Variants in UBTD1 observed in about 807,000 individuals in gnomAD.
The protein encoded by UBTD1 is ubiquitin domain-containing protein 1.
Under a neutral mutation model 21.7 loss-of-function variants are expected in UBTD1, and 19 were observed. The observed-to-expected ratio is 0.87, with a 90% CI of 0.61 to 1.28. UBTD1 has a LOEUF of 1.28. Among genes scored for constraint, UBTD1 ranks in the 50% most tolerant of loss-of-function variants. The pLI is 0.00. For synonymous variants in UBTD1, 116 were observed against 135.1 expected (o/e 0.86, Z 0.98); for missense variants, 282 against 315.1 (o/e 0.89, Z 0.80).
At chr10:97,534,574 C>CGT (rs2040550596) in intron 1 of UBTD1, among the ~76,000 whole-genome samples, 1 of 53,036 alleles carries the variant, frequency 1.9e-5, no homozygotes, top group African/African-American at 3.7e-5. Flanking sequence ...CACACACGCG[C>CGT]GCGCGCACAC....
intron 1 of UBTD1, among the ~76,000 whole-genome samples, chr10:97,526,967 T>C (rs1249444250): frequency 6.7e-6 from 1 of 148,154 alleles, no homozygotes. Context: ...AGCTCAAGAG[T>C]TCAAGACCAG....
At chr10:97,533,588 C>T (rs1157239671) in intron 1 of UBTD1, among the ~76,000 whole-genome samples, 1 of 152,094 alleles carries the variant, frequency 6.6e-6, no homozygotes. Context: ...CCCCTTTGCC[C>T]CCCACCTCCA....
At chr10:97,500,978 T>C (rs1013414691) in intron 1 of UBTD1, among the ~76,000 whole-genome samples, 1 of 152,236 alleles carries the variant, frequency 6.6e-6, no homozygotes. Context: ...TTTACTCTTA[T>C]GTTCTTCCAG....
intron 1 of UBTD1, among the ~76,000 whole-genome samples, chr10:97,553,843 C>G (rs901510169): frequency 6.6e-6 from 1 of 152,188 alleles, no homozygotes; most frequent in Non-Finnish European, 1.5e-5. Flanking sequence ...AGTTTGTCAC[C>G]GCTGTATCCT....
Position 97,570,082 on chromosome 10 carries a change from T to A in UBTD1, c.299-56T>A. ...TATGAATTTGGGGGGACCCAAACAT[T>A]TAATCCATGATAGTGGATCCCCAAG... On this transcript the variant is annotated intron_variant, in intron 2 of 2. Transcript: ENST00000370664. The surrounding 1 kb of genome is among the most constrained non-coding windows in gnomAD (Gnocchi z 6.6). 1 of 1,540,264 alleles carries A rather than the reference T, an allele frequency of 6.5e-7. No homozygotes were observed. Among genetic ancestry groups the A allele is most frequent in the East Asian group, 2.3e-5 (1 of 44,064 alleles).
At chr10:97,515,850 C>T (rs1439627867) in intron 1 of UBTD1, among the ~76,000 whole-genome samples, 4 of 152,176 alleles carry the variant, frequency 2.6e-5, no homozygotes, top group African/African-American at 7.2e-5. Flanking sequence ...TGGGGTCACA[C>T]GTGATGAAAC....
intron 1 of UBTD1, among the ~76,000 whole-genome samples, chr10:97,543,442 C>T (rs375635150): frequency 6.6e-6 from 1 of 152,164 alleles, no homozygotes; most frequent in South Asian, 2.1e-4. Context: ...CATGAAGGAG[C>T]GGGTGAGCCT....
intron 1 of UBTD1, among the ~76,000 whole-genome samples, chr10:97,530,818 T>C (rs2135669943): frequency 6.6e-6 from 1 of 152,214 alleles, no homozygotes; most frequent in South Asian, 2.1e-4. Context: ...TGATAGGATA[T>C]AGGTTACTTA....
At chr10:97,514,626 G>A (rs539964335) in intron 1 of UBTD1, among the ~76,000 whole-genome samples, 5 of 152,292 alleles carry the variant, frequency 3.3e-5, no homozygotes, top group African/African-American at 1.2e-4. Context: ...CAGTGGGAGT[G>A]TGGTCAGGAG....
chr10:97,549,774 C>T (rs1223272178), intron 1 of UBTD1, among the ~76,000 whole-genome samples: 2 of 152,274 alleles, frequency 1.3e-5, no homozygotes, highest in African/African-American at 4.8e-5. Context: ...CACCAAATCC[C>T]AGAGCATGGG....
At chr10:97,562,269 G>A (rs2040696276) in intron 1 of UBTD1, among the ~76,000 whole-genome samples, 1 of 152,182 alleles carries the variant, frequency 6.6e-6, no homozygotes, top group Non-Finnish European at 1.5e-5. Flanking sequence ...GAGGTGTGGT[G>A]TTACACATCT....
chr10:97,553,843 C>T lies in UBTD1; in HGVS notation c.71-14071C>T, dbSNP rs901510169. Among the ~76,000 whole-genome samples, 5 of 152,306 alleles carry T rather than the reference C, an allele frequency of 3.3e-5. No individual in the cohort carries two copies. In the South Asian group the frequency reaches 6.2e-4, roughly 19 times the overall value. ...ACCTGGAGGGTGAGGAGTTTGTCACCGCTGTATCCTGGGTCACTGCATTAA... is the reference window on the plus strand; with the variant it reads ...ACCTGGAGGGTGAGGAGTTTGTCACTGCTGTATCCTGGGTCACTGCATTAA... On this transcript the variant is annotated intron_variant, in intron 1 of 2. Transcript: ENST00000370664.
Position 97,570,528 on chromosome 10 carries a change from C to G in UBTD1, c.*5C>G. 6.3e-7 allele frequency: 1 copy of G among 1,586,056 alleles called. No individual in the cohort carries two copies. The highest frequency in any genetic ancestry group is 8.6e-7 in the Non-Finnish European group (1 of 1,160,418). The stretch of plus-strand genomic sequence containing the variant: ...CCCCCACCACCCCAGGACTGATGGG[C>G]CCACGGACCCCTGGGAAGAGGCCCC... On this transcript the variant is annotated 3_prime_UTR_variant, in exon 3 of 3. Coordinates refer to ENST00000370664, the MANE Select transcript of UBTD1 (RefSeq NM_024954.5). This position sits in a 1 kb window ranked among gnomAD's most constrained non-coding sequence, Gnocchi z 6.6.
At chr10:97,506,069 T>C (rs1264115220) in intron 1 of UBTD1, among the ~76,000 whole-genome samples, 2 of 152,184 alleles carry the variant, frequency 1.3e-5, no homozygotes, top group East Asian at 1.9e-4. Flanking sequence ...GAGCGCCTGC[T>C]TGGTGAGAGT....
intron 1 of UBTD1, among the ~76,000 whole-genome samples, chr10:97,546,796 C>G (rs1034049045): frequency 1.3e-5 from 2 of 152,110 alleles, no homozygotes; most frequent in African/African-American, 4.8e-5. Flanking sequence ...GCTGTGCATT[C>G]AGCTCCTGAT....
chr10:97,530,163 G>A (rs374446376), intron 1 of UBTD1, among the ~76,000 whole-genome samples: 2 of 152,164 alleles, frequency 1.3e-5, no homozygotes, highest in African/African-American at 2.4e-5. Flanking sequence ...TCCCCAGCAC[G>A]GGGCCTGGTG....
chr10:97,552,429 T>G (rs2040643970), intron 1 of UBTD1, among the ~76,000 whole-genome samples: 1 of 144,240 alleles, frequency 6.9e-6, no homozygotes, highest in African/African-American at 2.5e-5. Flanking sequence ...ACAGTCTCGT[T>G]CTGTGACCCA....
chr10:97,553,002 T>C (rs1413740182), intron 1 of UBTD1, among the ~76,000 whole-genome samples: 1 of 152,276 alleles, frequency 6.6e-6, no homozygotes, highest in Non-Finnish European at 1.5e-5. Flanking sequence ...ACCAAATAGG[T>C]GAGCCAAAGA....
At chr10:97,565,822 C>T (rs2040714706) in intron 1 of UBTD1, among the ~76,000 whole-genome samples, 1 of 152,062 alleles carries the variant, frequency 6.6e-6, no homozygotes, top group African/African-American at 2.4e-5. Flanking sequence ...AGGTGATCCT[C>T]CCACCTCAGC....
Sources: allele counts gnomAD v4.1 joint callset (sites outside exome capture counted in the v4.1 genomes callset), GRCh38; gene constraint gnomAD v4.1.1; non-coding constraint Gnocchi (gnomAD v3.1); transcripts MANE v1.5; gene names NCBI Gene and HGNC (gene_info 2026-07-23, HGNC 2026-07-21).